Variants in PDE8A observed in about 807,000 individuals in gnomAD.
PDE8A encodes high affinity cAMP-specific and IBMX-insensitive 3',5'-cyclic phosphodiesterase 8A.
In PDE8A, 59 loss-of-function variants were observed where a neutral mutation model predicts 105.0. The observed-to-expected ratio is 0.56, with a 90% CI of 0.46 to 0.70. The LOEUF (loss-of-function observed/expected upper bound fraction) is 0.70, where lower values mean the gene tolerates loss of function less well. Ranked by LOEUF, PDE8A falls within the 30% of genes least tolerant of loss-of-function variation. The pLI, the probability that PDE8A is intolerant of heterozygous loss-of-function variation, is 0.00. For synonymous variants in PDE8A, 355 were observed against 371.9 expected (o/e 0.95, Z 0.52); for missense variants, 1,014 against 1,045.9 (o/e 0.97, Z 0.42).
chr15:85,137,145 C>T (rs1292549320), intron 21 of PDE8A, among the ~76,000 whole-genome samples: 1 of 152,152 alleles, frequency 6.6e-6, no homozygotes, highest in Non-Finnish European at 1.5e-5. Flanking sequence ...CATCTTCGTC[C>T]TGAGGGCTGC....
At chr15:85,089,195 G>C in intron 6 of PDE8A, 143 bp from the exon 7 acceptor site, 1 of 592,358 alleles carries the variant, frequency 1.7e-6, no homozygotes, top group Admixed American at 3.1e-5. Context: ...CTTGCAGGGG[G>C]GTGTTTATTT....
At chr15:84,996,850 A>AAAAAAAG (rs61005863) in intron 1 of PDE8A, among the ~76,000 whole-genome samples, 1 of 146,674 alleles carries the variant, frequency 6.8e-6, no homozygotes, top group Non-Finnish European at 1.5e-5. Flanking sequence ...AAAAAAAAAA[A>AAAAAAAG]GGTGGTACAC....
chr15:85,133,333 G>A (rs1179973846), intron 20 of PDE8A, among the ~76,000 whole-genome samples: 2 of 152,122 alleles, frequency 1.3e-5, no homozygotes, highest in African/African-American at 2.4e-5. Context: ...TTCTACCTGG[G>A]AGCTAAGTGA....
Position 85,006,859 on chromosome 15 carries a change from T to G in PDE8A, c.186+24511T>G, listed in dbSNP as rs75087404. Among the ~76,000 whole-genome samples the G allele has an allele frequency of 1.8e-3, 273 of 152,276 alleles. 1 individual carries two copies. The highest frequency in any genetic ancestry group is 6.4e-3 in the African/African-American group (265 of 41,556). On this transcript the variant is annotated intron_variant, in intron 1 of 21. Transcript: ENST00000394553. Reference sequence around the variant, plus strand: ...CTTCTGGCATTAGAGACTTTTGACATGTACTTGAGAAGAGGGAATATTTGG... The same window carrying G: ...CTTCTGGCATTAGAGACTTTTGACAGGTACTTGAGAAGAGGGAATATTTGG...
intron 1 of PDE8A, among the ~76,000 whole-genome samples, chr15:85,030,987 A>G (rs569409151): frequency 1.3e-5 from 2 of 152,328 alleles, no homozygotes; most frequent in African/African-American, 2.4e-5. Flanking sequence ...TTTTATTTCT[A>G]TAACATCAGT....
chr15:85,052,050 C>T (rs1333963134), intron 1 of PDE8A, among the ~76,000 whole-genome samples: 2 of 151,676 alleles, frequency 1.3e-5, no homozygotes, highest in Admixed American at 6.6e-5. Flanking sequence ...TCAATTCCCA[C>T]CTATGAGTGA....
rs182070660 is a variant in PDE8A, at chr15:85,071,207, A to G, written c.434+4003A>G. ...CTTTGAAGCTGAAATACCAGTGGCCATAAAGGAAGGCAGTGGAAACAGGCT... is the reference window on the plus strand; with the variant it reads ...CTTTGAAGCTGAAATACCAGTGGCCGTAAAGGAAGGCAGTGGAAACAGGCT... On this transcript the variant is annotated intron_variant, in intron 3 of 21. Transcript: ENST00000394553. Among the ~76,000 whole-genome samples, 10 of 152,322 alleles carry G rather than the reference A, an allele frequency of 6.6e-5. No individual in the cohort carries two copies. In the Middle Eastern group the frequency reaches 0.017, roughly 259 times the overall value.
Position 85,138,285 on chromosome 15 carries a change from C to T in PDE8A, c.*382C>T, listed in dbSNP as rs1024317428. On this transcript the variant is annotated 3_prime_UTR_variant, in exon 22 of 22. Transcript: ENST00000394553. ...AGTTACGTTCAGCACTTAAGAACGG[C>T]TAATGGCAATAGGATCTTTAGCAAC... The T allele has an allele frequency of 6.1e-6, 1 of 163,944 alleles. No homozygotes were observed. The highest frequency in any genetic ancestry group is 1.3e-5 in the Non-Finnish European group (1 of 75,726). The allele number at this position is 163,944 out of a possible 1,614,324, so 10.2% of individuals were successfully genotyped here.
intron 1 of PDE8A, among the ~76,000 whole-genome samples, chr15:85,052,907 G>A (rs185982269): frequency 1.3e-5 from 2 of 152,284 alleles, no homozygotes; most frequent in East Asian, 1.9e-4. Context: ...CCATGCCTAT[G>A]TCCCGAATGA....
chr15:85,067,315 G>A, intron 3 of PDE8A, 111 bp downstream of exon 3: 1 of 700,970 alleles, frequency 1.4e-6, no homozygotes, highest in Non-Finnish European at 2.3e-6. Flanking sequence ...TTCCATGCAT[G>A]TGAAATAAAC....
chr15:85,135,515 A>G (rs1185061628), intron 20 of PDE8A, among the ~76,000 whole-genome samples: 1 of 151,638 alleles, frequency 6.6e-6, no homozygotes, highest in Admixed American at 6.6e-5. Flanking sequence ...GCCCACTCCT[A>G]CCTCACTCCA....
At chr15:85,032,910 A>G (rs2080639064) in intron 1 of PDE8A, among the ~76,000 whole-genome samples, 1 of 152,184 alleles carries the variant, frequency 6.6e-6, no homozygotes, top group African/African-American at 2.4e-5. Flanking sequence ...GTTACTCCAT[A>G]TTCAAAAAAA....
In PDE8A at chr15:84,982,198, C is replaced by T. The variant is rs1361178234; in HGVS notation, c.36C>T (p.Arg12=). 3.4e-6 allele frequency: 5 copies of T among 1,485,484 alleles called. No individual in the cohort carries two copies. The highest frequency in any genetic ancestry group is 2.3e-4 in the Middle Eastern group (1 of 4,426). The allele number at this position is 1,485,484 out of a possible 1,614,324, so 92.0% of individuals were successfully genotyped here. A position where few individuals can be genotyped will look rare whatever the true frequency, so the allele number is the denominator to read the frequency against. Residue 12 remains arginine (R), a synonymous_variant, in exon 1 of 22, where the codon CGC becomes CGT. Transcript: ENST00000394553. ...CCCCGAGCATCCACATTTCCGAGCG[C>T]CTGGTGGCCGAGGACGCGCCTAGCC... ...GCAPSIHISE[R]LVAEDAPSPA... is the part of the protein sequence containing the mutation.
chr15:85,014,706 T>C (rs2080295254), intron 1 of PDE8A, among the ~76,000 whole-genome samples: 1 of 152,218 alleles, frequency 6.6e-6, no homozygotes, highest in South Asian at 2.1e-4. Context: ...TTTGCTTTTC[T>C]CGCTTCACAG....
Position 85,039,109 on chromosome 15 carries a change from G to A in PDE8A, c.187-25261G>A, listed in dbSNP as rs550423271. On this transcript the variant is annotated intron_variant, in intron 1 of 21. Coordinates refer to ENST00000394553, the MANE Select transcript of PDE8A (RefSeq NM_002605.3). ...GCACTCCAGCCTTAGTAACAAGAGC[G>A]AAACTCCATCTCAAGAAAAAAAAAA... Among the ~76,000 whole-genome samples the A allele has an allele frequency of 1.0e-4, 14 of 138,784 alleles. No individual in the cohort carries two copies. In the South Asian group the frequency reaches 1.9e-3, roughly 19 times the overall value. 91.0% of individuals were successfully genotyped at this position (138,784 alleles called of 152,430 possible).
chr15:85,015,217 C>A (rs1279138155), intron 1 of PDE8A, among the ~76,000 whole-genome samples: 1 of 150,794 alleles, frequency 6.6e-6, no homozygotes, highest in Non-Finnish European at 1.5e-5. Flanking sequence ...TGTTTCCCTA[C>A]ATTATTATAT....
At chr15:85,039,710 T>C (rs922666143) in intron 1 of PDE8A, among the ~76,000 whole-genome samples, 2 of 152,228 alleles carry the variant, frequency 1.3e-5, no homozygotes, top group Non-Finnish European at 2.9e-5. Flanking sequence ...AAACAATCGA[T>C]GTGCTGATCC....
chr15:85,008,463 C>G (rs2080184608), intron 1 of PDE8A, among the ~76,000 whole-genome samples: 1 of 152,102 alleles, frequency 6.6e-6, no homozygotes. Flanking sequence ...TCCCCCACCC[C>G]CAGTTCAGTT....
intron 1 of PDE8A, among the ~76,000 whole-genome samples, chr15:85,011,705 TTAAAC>T (rs2080241975): frequency 6.6e-6 from 1 of 152,160 alleles, no homozygotes; most frequent in Non-Finnish European, 1.5e-5. Flanking sequence ...TGGGATCTAA[TTAAAC>T]TAAAGAGCTT....
Sources: gnomAD v4.1 joint callset for allele counts (sites outside exome capture counted in the v4.1 genomes callset) on GRCh38, gnomAD v4.1.1 for gene constraint, MANE v1.5 for transcripts, NCBI Gene and HGNC (gene_info 2026-07-23, HGNC 2026-07-21) for gene names.